Variants in MAP3K2 observed in about 807,000 individuals in gnomAD.
MAP3K2 encodes mitogen-activated protein kinase kinase kinase 2.
MAP3K2 carries 24 observed loss-of-function variants against 80.3 expected under a neutral mutation model. The observed-to-expected ratio is 0.30, with a 90% CI of 0.22 to 0.42. MAP3K2 has a LOEUF of 0.42. Ranked by LOEUF, MAP3K2 falls within the 10% of genes least tolerant of loss-of-function variation. The pLI is 1.00. For missense variants in MAP3K2, 608 were observed against 750.1 expected (o/e 0.81, Z 2.21); for synonymous variants, 244 against 253.7 (o/e 0.96, Z 0.36).
At position 127,364,046 on chromosome 2, in the gene MAP3K2, T is replaced by C. The variant is rs965019492; in HGVS notation, c.-65-20852A>G. 2.0e-5 allele frequency among the ~76,000 whole-genome samples: 3 copies of C among 152,158 alleles called. No individual in the cohort carries two copies. Among genetic ancestry groups the C allele is most frequent in the Non-Finnish European group, 2.9e-5 (2 of 68,018 alleles). On this transcript the variant is annotated intron_variant, in intron 1 of 16. Transcript: ENST00000682094. The surrounding 1 kb of genome is among the most constrained non-coding windows in gnomAD (Gnocchi z 4.1). ...CCTATTACCAAACATCTTAAATAAATTGCAAATTTGACTCTCCTTACAACC... is the reference window on the plus strand; with the variant it reads ...CCTATTACCAAACATCTTAAATAAACTGCAAATTTGACTCTCCTTACAACC...
intron 1 of MAP3K2, among the ~76,000 whole-genome samples, chr2:127,370,154 A>G (rs1687038798): frequency 6.6e-6 from 1 of 152,260 alleles, no homozygotes; most frequent in Admixed American, 6.5e-5. Flanking sequence ...AATTCCCCAC[A>G]AGTGTGTTGA....
chr2:127,324,104 CT>C (rs773815694), intron 10 of MAP3K2, 69 bp downstream of exon 10: 69 of 1,172,264 alleles, frequency 5.9e-5, no homozygotes, highest in East Asian at 4.2e-4. Flanking sequence ...AAAATCCCCC[CT>C]CTCCCTCCCA....
intron 1 of MAP3K2, among the ~76,000 whole-genome samples, chr2:127,373,525 G>A (rs982391718): frequency 6.6e-6 from 1 of 152,146 alleles, no homozygotes; most frequent in Non-Finnish European, 1.5e-5. Flanking sequence ...ATCTTAAAAG[G>A]CAATGCTGCC....
intron 1 of MAP3K2, among the ~76,000 whole-genome samples, chr2:127,376,649 C>T (rs1160072318): frequency 6.6e-6 from 1 of 152,144 alleles, no homozygotes; most frequent in Non-Finnish European, 1.5e-5. Context: ...GAGCTGAGCC[C>T]CCAGCTGACC....
intron 2 of MAP3K2, among the ~76,000 whole-genome samples, chr2:127,340,721 T>C (rs1686463115): frequency 6.6e-6 from 1 of 151,906 alleles, no homozygotes. Flanking sequence ...GAACTCTAAT[T>C]CTTTTTTTAT....
rs1351481281 is a variant in MAP3K2, at chr2:127,303,695, G to A, written c.*3884C>T. On this transcript the variant is annotated 3_prime_UTR_variant, in exon 17 of 17. Coordinates refer to ENST00000682094, the MANE Select transcript of MAP3K2 (RefSeq NM_001371910.2). ...GTTAATTTAGTACCTGACATAATAA[G>A]TTACAATTATTGAACAAACAAAGAA... 1.3e-5 allele frequency: 2 copies of A among 149,610 alleles called. No homozygotes were observed. The highest frequency in any genetic ancestry group is 6.7e-5 in the Admixed American group (1 of 15,004). The allele number at this position is 149,610 out of a possible 1,614,324, so 9.3% of individuals were successfully genotyped here. A position where few individuals can be genotyped will look rare whatever the true frequency, so the allele number is the denominator to read the frequency against.
At chr2:127,334,621 T>C (rs1686328900) in intron 5 of MAP3K2, among the ~76,000 whole-genome samples, 1 of 152,062 alleles carries the variant, frequency 6.6e-6, no homozygotes, top group Non-Finnish European at 1.5e-5. Context: ...AATTTTACTT[T>C]TTTGTAGAGA....
chr2:127,352,972 A>G (rs1686721433), intron 1 of MAP3K2, among the ~76,000 whole-genome samples: 1 of 152,128 alleles, frequency 6.6e-6, no homozygotes, highest in South Asian at 2.1e-4. Flanking sequence ...AGGTGCCGGG[A>G]TTGCAGATGG....
intron 9 of MAP3K2, 83 bp from the exon 10 acceptor site, chr2:127,324,324 A>C (rs1686088102): frequency 2.6e-6 from 2 of 768,626 alleles, no homozygotes; most frequent in South Asian, 3.8e-5. Context: ...ATCTATATCT[A>C]TCTGTGCCTC....
intron 1 of MAP3K2, chr2:127,378,261 T>C (rs1687182949): frequency 2.7e-6 from 1 of 376,228 alleles, no homozygotes; most frequent in Non-Finnish European, 3.7e-6. Flanking sequence ...TATTACGTAG[T>C]GCTGAATCCT....
chr2:127,367,279 T>C (rs1364033378), intron 1 of MAP3K2, among the ~76,000 whole-genome samples: 1 of 152,194 alleles, frequency 6.6e-6, no homozygotes, highest in Non-Finnish European at 1.5e-5. Flanking sequence ...TTATAGTATC[T>C]GAGCAACTAA....
chr2:127,314,932 T>C, intron 14 of MAP3K2, 49 bp from the exon 15 acceptor site: 4 of 1,336,260 alleles, frequency 3.0e-6, no homozygotes, highest in Non-Finnish European at 4.1e-6. Flanking sequence ...TGGTTTGAAA[T>C]GAAAACTGCT....
chr2:127,337,050 G>C (rs759564048), intron 4 of MAP3K2, among the ~76,000 whole-genome samples: 2 of 152,102 alleles, frequency 1.3e-5, no homozygotes, highest in Non-Finnish European at 2.9e-5. Context: ...GCTGAGGCAG[G>C]AGAATTGCTT....
intron 1 of MAP3K2, among the ~76,000 whole-genome samples, chr2:127,382,607 A>G (rs1687265666): frequency 6.6e-6 from 1 of 152,234 alleles, no homozygotes; most frequent in Admixed American, 6.5e-5. Context: ...ATCTTGGCTT[A>G]CTGCAGCCTC....
intron 1 of MAP3K2, among the ~76,000 whole-genome samples, chr2:127,367,108 C>T (rs1298560963): frequency 1.3e-5 from 2 of 152,088 alleles, no homozygotes; most frequent in African/African-American, 4.8e-5. Context: ...TCTCAAATCA[C>T]AGGGCAAGAT....
intron 5 of MAP3K2, among the ~76,000 whole-genome samples, chr2:127,331,046 T>G (rs1388028754): frequency 1.3e-5 from 2 of 152,148 alleles, no homozygotes; most frequent in African/African-American, 4.8e-5. Context: ...CCTAGAGTTC[T>G]TCTCTCTGAG....
At chr2:127,323,364 G>A (rs1417169347) in intron 11 of MAP3K2, among the ~76,000 whole-genome samples, 3 of 147,380 alleles carry the variant, frequency 2.0e-5, no homozygotes, top group African/African-American at 7.5e-5. Flanking sequence ...CTGTCTCAGG[G>A]GAAAAAAAAA....
intron 1 of MAP3K2, among the ~76,000 whole-genome samples, chr2:127,345,350 A>C (rs1686578584): frequency 6.6e-6 from 1 of 152,246 alleles, no homozygotes; most frequent in Non-Finnish European, 1.5e-5. Flanking sequence ...ACTTATATGT[A>C]CCTAACAACA....
intron 7 of MAP3K2, among the ~76,000 whole-genome samples, chr2:127,329,243 G>A (rs1353978526): frequency 1.3e-5 from 2 of 152,030 alleles, no homozygotes; most frequent in Non-Finnish European, 1.5e-5. Flanking sequence ...TTTATTTTGA[G>A]AGCATTCTTG....
Sources: gnomAD v4.1 joint callset for allele counts (sites outside exome capture counted in the v4.1 genomes callset) on GRCh38, gnomAD v4.1.1 for gene constraint, Gnocchi (gnomAD v3.1) non-coding constraint, MANE v1.5 for transcripts, NCBI Gene and HGNC (gene_info 2026-07-23, HGNC 2026-07-21) for gene names.